The following LCMT1 variants were observed in gnomAD, a reference collection of about 807,000 sequenced individuals.
LCMT1 encodes leucine carboxyl methyltransferase 1.
LCMT1 carries 32 observed loss-of-function variants against 47.7 expected under a neutral mutation model. The ratio of observed to expected loss-of-function variants is 0.67; its 90% CI spans 0.51 to 0.90. The LOEUF (loss-of-function observed/expected upper bound fraction) is 0.90. Ranked by LOEUF, LCMT1 falls within the 40% of genes least tolerant of loss-of-function variation. The pLI, the probability that LCMT1 is intolerant of heterozygous loss-of-function variation, is 0.00. For missense variants in LCMT1, 375 were observed against 415.2 expected (o/e 0.90, Z 0.84); for synonymous variants, 152 against 149.7 (o/e 1.02, Z -0.11).
At chr16:25,177,668 G>A (rs1002669532) in intron 10 of LCMT1, among the ~76,000 whole-genome samples, 20 of 152,186 alleles carry the variant, frequency 1.3e-4, no homozygotes, top group Non-Finnish European at 2.2e-4. Context: ...ACCCGTGACT[G>A]CTTTGGGACA....
At chr16:25,150,459 C>T (rs1445207624) in intron 4 of LCMT1, among the ~76,000 whole-genome samples, 5 of 150,668 alleles carry the variant, frequency 3.3e-5, no homozygotes, top group African/African-American at 1.2e-4. Flanking sequence ...ATTCTCCTGC[C>T]TCAGCCTCCC....
rs73565011 is a variant in LCMT1 at position 25,154,310 on chromosome 16, T to C, written c.466+2695T>C. Among the ~76,000 whole-genome samples the C allele has an allele frequency of 8.8e-3, 1,330 of 151,570 alleles. 19 individuals carry two copies. Among genetic ancestry groups the C allele is most frequent in the African/African-American group, 0.031 (1,267 of 41,374 alleles). On this transcript the variant is annotated intron_variant, in intron 5 of 10. Transcript: ENST00000399069. ...ACAGGCGTGAGCCACTGGGCCTGGC[T>C]GATGCCCTATTATTTAAAAAAAATT...
chr16:25,167,786 A>C (rs1961629708), intron 7 of LCMT1, among the ~76,000 whole-genome samples: 3 of 151,810 alleles, frequency 2.0e-5, no homozygotes, highest in Non-Finnish European at 4.4e-5. Flanking sequence ...TTTGAGATGG[A>C]GTCTTACTCT....
chr16:25,135,170 G>A (rs1960466437), intron 3 of LCMT1, among the ~76,000 whole-genome samples: 1 of 152,168 alleles, frequency 6.6e-6, no homozygotes, highest in Admixed American at 6.5e-5. Flanking sequence ...CAGTCAGTCA[G>A]TAGTGAGGAA....
chr16:25,166,398 C>T (rs1223107221), intron 7 of LCMT1, among the ~76,000 whole-genome samples: 1 of 151,472 alleles, frequency 6.6e-6, no homozygotes, highest in Non-Finnish European at 1.5e-5. Context: ...TTGTTTATTG[C>T]TTTTTATTTA....
intron 5 of LCMT1, among the ~76,000 whole-genome samples, chr16:25,156,877 G>A (rs1961272158): frequency 1.3e-5 from 2 of 151,752 alleles, no homozygotes; most frequent in Admixed American, 1.3e-4. Flanking sequence ...TGTCAGTTGG[G>A]TGGTCAGACA....
intron 4 of LCMT1, among the ~76,000 whole-genome samples, chr16:25,150,595 T>A (rs945421451): frequency 1.3e-5 from 2 of 152,038 alleles, no homozygotes; most frequent in African/African-American, 4.8e-5. Flanking sequence ...CTGCCTGCCT[T>A]GGCCTCTCAA....
intron 6 of LCMT1, 127 bp from the exon 7 acceptor site, chr16:25,164,471 T>C: frequency 9.7e-7 from 1 of 1,036,252 alleles, no homozygotes; most frequent in Non-Finnish European, 1.4e-6. Flanking sequence ...ACTGGGGCTG[T>C]GCTTGCTCAG....
At chr16:25,174,899 C>T in intron 9 of LCMT1, 38 bp from the exon 10 acceptor site, 1 of 1,086,826 alleles carries the variant, frequency 9.2e-7, no homozygotes, top group Non-Finnish European at 1.3e-6. Flanking sequence ...ATTTTCAATG[C>T]AGACACTTGC....
At chr16:25,151,701 G>GTGTGTA in intron 5 of LCMT1, 86 bp downstream of exon 5, 5 of 724,910 alleles carry the variant, frequency 6.9e-6, no homozygotes, top group Non-Finnish European at 1.2e-5. Flanking sequence ...TGTTGGGTGT[G>GTGTGTA]TGTGTGTGTG....
chr16:25,130,154 C>T (rs1216099172), intron 2 of LCMT1, among the ~76,000 whole-genome samples: 1 of 150,916 alleles, frequency 6.6e-6, no homozygotes, highest in African/African-American at 2.4e-5. Flanking sequence ...TCCTGGCTAA[C>T]ACGGTGAAAC....
intron 6 of LCMT1, among the ~76,000 whole-genome samples, chr16:25,164,030 T>C (rs1169294628): frequency 6.6e-6 from 1 of 152,124 alleles, no homozygotes; most frequent in Non-Finnish European, 1.5e-5. Context: ...CCAGCTAGGG[T>C]CTGGCTGGCT....
rs547975880 is a variant in LCMT1, at chr16:25,139,811, C to T, written c.328-360C>T. Among the ~76,000 whole-genome samples, 54 of 152,240 alleles carry T rather than the reference C, an allele frequency of 3.5e-4. 1 individual carries two copies. The highest frequency in any genetic ancestry group is 1.1e-3 in the African/African-American group (47 of 41,536). ...CCTTCTAAAGTGTTGAGATTACAGT[C>T]GTGAGCCACTGCACCTGGCCTCAAG... On this transcript the variant is annotated intron_variant, in intron 3 of 10. Coordinates refer to ENST00000399069, the MANE Select transcript of LCMT1 (RefSeq NM_016309.3).
At chr16:25,159,427 T>C (rs1049443757) in intron 5 of LCMT1, among the ~76,000 whole-genome samples, 1 of 152,122 alleles carries the variant, frequency 6.6e-6, no homozygotes, top group African/African-American at 2.4e-5. Flanking sequence ...CCACCACACC[T>C]AGCTAATTTT....
chr16:25,177,898 C>T, intron 10 of LCMT1, 103 bp from the exon 11 acceptor site: 1 of 927,468 alleles, frequency 1.1e-6, no homozygotes, highest in Non-Finnish European at 1.8e-6. Context: ...CAGTGGTCAG[C>T]AGTGTGGCTG....
At chr16:25,170,672 G>T in intron 8 of LCMT1, 42 bp from the exon 9 acceptor site, 1 of 1,454,148 alleles carries the variant, frequency 6.9e-7, no homozygotes, top group South Asian at 1.2e-5. Flanking sequence ...CCGGTGCCTG[G>T]TAGTTCTCTA....
chr16:25,163,375 A>G (rs1051501244), intron 6 of LCMT1, among the ~76,000 whole-genome samples: 4 of 151,160 alleles, frequency 2.6e-5, no homozygotes, highest in Admixed American at 1.3e-4. Flanking sequence ...AGGCCAAGGC[A>G]GGGGAACTGC....
intron 5 of LCMT1, among the ~76,000 whole-genome samples, chr16:25,154,983 T>TA (rs1275295071): frequency 6.6e-6 from 1 of 152,222 alleles, no homozygotes; most frequent in East Asian, 1.9e-4. Context: ...GGCGAACTGA[T>TA]ACGTGATCTT....
Position 25,132,520 on chromosome 16 carries a change from A to C in LCMT1, c.324A>C (p.Leu108Phe). The C allele has an allele frequency of 6.2e-7, 1 of 1,613,626 alleles. No individual in the cohort carries two copies. The highest frequency in any genetic ancestry group is 1.1e-5 in the South Asian group (1 of 90,988). Residue 108 changes from leucine (L) to phenylalanine (F), a missense_variant, in exon 3 of 11, where the codon TTA becomes TTC. Leu to Phe is a conservative substitution (Grantham distance 22). Coordinates refer to ENST00000399069, the MANE Select transcript of LCMT1 (RefSeq NM_016309.3). ...GCATGGATACCACCTTCTGGAGATT[A>C]AAGGTATGTTCAAATTCCCCTCCTC... Reference protein sequence around the residue: ...GAGMDTTFWRLKDEDLLPSKY... With the variant: ...GAGMDTTFWRFKDEDLLPSKY...
Sources: allele counts gnomAD v4.1 joint callset (sites outside exome capture counted in the v4.1 genomes callset), GRCh38; gene constraint gnomAD v4.1.1; transcripts MANE v1.5; gene names NCBI Gene and HGNC (gene_info 2026-07-23, HGNC 2026-07-21).